Variants in TENM3 observed in about 807,000 individuals in gnomAD.
TENM3 encodes teneurin transmembrane protein 3.
Under a neutral mutation model 255.1 loss-of-function variants are expected in TENM3, and 63 were observed. That is an observed-to-expected ratio of 0.25 (90% CI 0.20 to 0.30). The LOEUF (loss-of-function observed/expected upper bound fraction) is 0.30. Ranked by LOEUF, TENM3 falls within the 10% of genes least tolerant of loss-of-function variation. TENM3 has a pLI of 1.00. For synonymous variants in TENM3, 1,306 were observed against 1,322.3 expected (o/e 0.99, Z 0.27); for missense variants, 2,929 against 3,461.1 (o/e 0.85, Z 3.86).
At chr4:182,052,977 T>C in the TENM3 span, among the ~76,000 whole-genome samples, 76 of 152,274 alleles carry the variant, frequency 5.0e-4, 1 homozygote, top group African/African-American at 1.7e-3. Flanking sequence ...TATATACATA[T>C]ACATTATATA....
chr4:181,805,208 C>A, the TENM3 span, among the ~76,000 whole-genome samples: 2 of 152,130 alleles, frequency 1.3e-5, no homozygotes, highest in African/African-American at 4.8e-5. Flanking sequence ...AACGACTTTC[C>A]ATTCCTATTA....
At chr4:181,547,709 A>G in the TENM3 span, among the ~76,000 whole-genome samples, 1 of 152,140 alleles carries the variant, frequency 6.6e-6, no homozygotes, top group African/African-American at 2.4e-5. Context: ...TGCCTTAGTT[A>G]TAGTTAACTT....
At chr4:182,140,757 A>G (rs1749340343), upstream of TENM3, among the ~76,000 whole-genome samples, 1 of 152,144 alleles carries the variant, frequency 6.6e-6, no homozygotes. Flanking sequence ...GCTCTTTAGG[A>G]CAGGAGGAGA....
chr4:181,634,836 C>T, the TENM3 span, among the ~76,000 whole-genome samples: 1 of 152,258 alleles, frequency 6.6e-6, no homozygotes, highest in African/African-American at 2.4e-5. Context: ...GTTTTCACAG[C>T]ATTTTTCATT....
the TENM3 span, among the ~76,000 whole-genome samples, chr4:181,485,526 T>C: frequency 6.6e-6 from 1 of 152,156 alleles, no homozygotes; most frequent in Non-Finnish European, 1.5e-5. Context: ...TCATTTCTTG[T>C]GAAAAACAGA....
At chr4:182,305,481 C>T (rs1762081128) in intron 1 of TENM3, among the ~76,000 whole-genome samples, 1 of 152,164 alleles carries the variant, frequency 6.6e-6, no homozygotes, top group African/African-American at 2.4e-5. Context: ...TGTAGTCAGA[C>T]TAAAAATGTT....
chr4:182,062,396 C>A, the TENM3 span, among the ~76,000 whole-genome samples: 2 of 152,120 alleles, frequency 1.3e-5, no homozygotes, highest in Non-Finnish European at 2.9e-5. Context: ...TCAATTTCAG[C>A]GATAAAATCC....
At chr4:181,842,208 G>C in the TENM3 span, among the ~76,000 whole-genome samples, 3,088 of 152,208 alleles carry the variant, frequency 0.02, 91 homozygotes, top group African/African-American at 0.07. Context: ...AGGATTACCT[G>C]TGATCTTCCT....
At chr4:181,663,697 A>G in the TENM3 span, among the ~76,000 whole-genome samples, 1 of 152,186 alleles carries the variant, frequency 6.6e-6, no homozygotes, top group South Asian at 2.1e-4. Flanking sequence ...GTTTGACACC[A>G]GTGTCCAGTG....
the TENM3 span, among the ~76,000 whole-genome samples, chr4:181,940,349 A>C: frequency 6.6e-6 from 1 of 152,130 alleles, no homozygotes; most frequent in African/African-American, 2.4e-5. Flanking sequence ...CTCTAAACCA[A>C]CTCATACAGT....
chr4:182,069,925 TA>T, the TENM3 span, among the ~76,000 whole-genome samples: 2 of 152,188 alleles, frequency 1.3e-5, no homozygotes, highest in African/African-American at 4.8e-5. Context: ...TACAGCATGA[TA>T]TTTAGGATCA....
At chr4:182,523,049 T>G (rs952142396) in intron 3 of TENM3, among the ~76,000 whole-genome samples, 3 of 152,214 alleles carry the variant, frequency 2.0e-5, no homozygotes, top group African/African-American at 7.2e-5. Flanking sequence ...TGATGCTTCA[T>G]GATGTTGAGC....
chr4:182,799,958 G>A lies in TENM3; in HGVS notation c.7707G>A (p.Lys2569=). Residue 2569 remains lysine, a synonymous_variant, in exon 28 of 28, where the codon AAG becomes AAA. Coordinates refer to ENST00000511685, the MANE Select transcript of TENM3 (RefSeq NM_001080477.4). This position sits in a 1 kb window ranked among gnomAD's most constrained non-coding sequence, Gnocchi z 4.2. ...LGTLRLTSGR[K]ALENGINVTV... is the part of the protein sequence containing the mutation. ...CGCTGCGGTTGACCAGCGGCCGCAA[G>A]GCGCTGGAGAACGGCATCAACGTGA... 6.3e-7 allele frequency: 1 copy of A among 1,593,022 alleles called. No individual in the cohort carries two copies. The highest frequency in any genetic ancestry group is 1.3e-5 in the African/African-American group (1 of 74,572).
intron 6 of TENM3, among the ~76,000 whole-genome samples, chr4:182,666,733 C>CA (rs76197349): frequency 0.049 from 7,510 of 151,772 alleles, 325 homozygotes; most frequent in East Asian, 0.18. Flanking sequence ...CCTGTCTCTA[C>CA]AAAAAATACC....
chr4:181,847,492 TC>T, the TENM3 span, among the ~76,000 whole-genome samples: 2 of 152,076 alleles, frequency 1.3e-5, no homozygotes, highest in South Asian at 4.1e-4. Context: ...AAAAATTAAA[TC>T]CCCTTAACAA....
the TENM3 span, among the ~76,000 whole-genome samples, chr4:181,528,515 A>G: frequency 1.3e-5 from 2 of 152,226 alleles, no homozygotes; most frequent in Non-Finnish European, 2.9e-5. Flanking sequence ...TTGCTCTGTA[A>G]CAACACTAAG....
chr4:182,600,247 G>A (rs895149354), intron 3 of TENM3, among the ~76,000 whole-genome samples: 9 of 152,118 alleles, frequency 5.9e-5, no homozygotes, highest in South Asian at 2.1e-4. Context: ...TGGATGTGAC[G>A]GTCATTAAGT....
intron 3 of TENM3, among the ~76,000 whole-genome samples, chr4:182,539,566 A>G (rs6812487): frequency 0.89 from 135,789 of 152,214 alleles, 60,712 homozygotes; most frequent in East Asian, 0.96. Context: ...ATTCAGATGT[A>G]GAAGGAAGAT....
chr4:181,605,615 A>T, the TENM3 span, among the ~76,000 whole-genome samples: 1 of 113,424 alleles, frequency 8.8e-6, no homozygotes, highest in Non-Finnish European at 2.1e-5. Flanking sequence ...GAAAGAAAGA[A>T]AAGAAAGAAC....
Sources: allele counts gnomAD v4.1 joint callset (sites outside exome capture counted in the v4.1 genomes callset), GRCh38; gene constraint gnomAD v4.1.1; non-coding constraint Gnocchi (gnomAD v3.1); transcripts MANE v1.5; gene names NCBI Gene and HGNC (gene_info 2026-07-23, HGNC 2026-07-21).